KCNT2: variants seen among roughly 807,000 people sequenced by gnomAD.
The protein encoded by KCNT2 is potassium channel subfamily T member 2.
KCNT2 carries 67 observed loss-of-function variants against 153.8 expected under a neutral mutation model. That is an observed-to-expected ratio of 0.44 (90% CI 0.36 to 0.53). The LOEUF is 0.53. KCNT2 is among the 20% of genes least tolerant of loss of function. The pLI is 0.00. For missense variants in KCNT2, 975 were observed against 1,354.8 expected, an observed-to-expected ratio of 0.72 and a Z score of 4.40; for synonymous variants, 500 against 458.8, an observed-to-expected ratio of 1.09 and a Z score of -1.15.
At position 196,463,422 on chromosome 1, in the gene KCNT2, T is replaced by C. The variant is rs545508135; in HGVS notation, c.638+1871A>G. On this transcript the variant is annotated intron_variant, in intron 8 of 27. Coordinates refer to ENST00000294725, the MANE Select transcript of KCNT2 (RefSeq NM_198503.5). ...CAAAGAAATCAAACCTGTTTATCCATTTGAGTTATTATAATTTAAGAATAT... is the reference window on the plus strand; with the variant it reads ...CAAAGAAATCAAACCTGTTTATCCACTTGAGTTATTATAATTTAAGAATAT... 1.3e-3 allele frequency among the ~76,000 whole-genome samples: 201 copies of C among 151,866 alleles called. 1 individual carries two copies. Among genetic ancestry groups the C allele is most frequent in the African/African-American group, 4.1e-3 (169 of 41,510 alleles).
At chr1:196,370,194 G>C (rs1668400933) in intron 14 of KCNT2, among the ~76,000 whole-genome samples, 2 of 152,042 alleles carry the variant, frequency 1.3e-5, no homozygotes, top group Non-Finnish European at 2.9e-5. Flanking sequence ...TTTTTGACAA[G>C]ATTGCCAAAT....
chr1:196,420,606 A>G (rs1195760333), intron 12 of KCNT2, among the ~76,000 whole-genome samples: 3 of 152,136 alleles, frequency 2.0e-5, no homozygotes, highest in African/African-American at 7.2e-5. Context: ...ACACACAGAC[A>G]CACACAGGCA....
chr1:196,480,729 G>A (rs1176701936), intron 4 of KCNT2, among the ~76,000 whole-genome samples: 3 of 151,464 alleles, frequency 2.0e-5, no homozygotes, highest in South Asian at 2.1e-4. Flanking sequence ...GGTGGCGGGC[G>A]CCTGTAGTCC....
chr1:196,459,291 G>A (rs749522563), intron 8 of KCNT2, among the ~76,000 whole-genome samples: 1 of 151,502 alleles, frequency 6.6e-6, no homozygotes, highest in Non-Finnish European at 1.5e-5. Flanking sequence ...GCCCTATCCT[G>A]TGCCCTAATG....
intron 1 of KCNT2, among the ~76,000 whole-genome samples, chr1:196,518,472 T>A: frequency 1.4e-5 from 1 of 73,416 alleles, no homozygotes; most frequent in African/African-American, 4.9e-5. Context: ...AGTGGCAAGC[T>A]GGATTTAAAA....
At chr1:196,436,319 T>C (rs1674650280) in intron 8 of KCNT2, among the ~76,000 whole-genome samples, 1 of 151,584 alleles carries the variant, frequency 6.6e-6, no homozygotes, top group African/African-American at 2.4e-5. Context: ...ATATATAAAC[T>C]ATCTCTTCAA....
At chr1:196,547,443 T>G (rs983824185) in intron 1 of KCNT2, among the ~76,000 whole-genome samples, 13 of 152,160 alleles carry the variant, frequency 8.5e-5, no homozygotes, top group African/African-American at 2.9e-4. Flanking sequence ...AGTTGAAACA[T>G]TTAATTTCAC....
At chr1:196,564,680 C>A (rs1659867303) in intron 1 of KCNT2, among the ~76,000 whole-genome samples, 1 of 151,680 alleles carries the variant, frequency 6.6e-6, no homozygotes, top group Non-Finnish European at 1.5e-5. Flanking sequence ...AATAGACAGC[C>A]TAGAAATAAA....
intron 21 of KCNT2, among the ~76,000 whole-genome samples, chr1:196,307,996 T>C (rs2147989913): frequency 6.6e-6 from 1 of 152,118 alleles, no homozygotes; most frequent in South Asian, 2.1e-4. Context: ...CAGACAAAAT[T>C]CCATCATCTG....
At chr1:196,379,685 A>G (rs905401342) in intron 13 of KCNT2, among the ~76,000 whole-genome samples, 5 of 151,852 alleles carry the variant, frequency 3.3e-5, no homozygotes, top group Non-Finnish European at 7.4e-5. Context: ...TCATCCATTT[A>G]AAGTTTCTGT....
intron 14 of KCNT2, among the ~76,000 whole-genome samples, chr1:196,354,149 C>A (rs1031378261): frequency 3.3e-5 from 5 of 151,490 alleles, no homozygotes; most frequent in Admixed American, 6.6e-5. Context: ...TATAAGAATG[C>A]CATCACACTA....
chr1:196,437,415 G>C (rs1674821243), intron 8 of KCNT2, among the ~76,000 whole-genome samples: 1 of 129,234 alleles, frequency 7.7e-6, no homozygotes, highest in African/African-American at 2.8e-5. Flanking sequence ...ATATATATAA[G>C]TTTTCTTAAA....
intron 20 of KCNT2, chr1:196,317,128 C>T (rs1050775559): frequency 3.0e-5 from 8 of 262,658 alleles, no homozygotes; most frequent in Non-Finnish European, 4.8e-5. Context: ...TATGGGAAGG[C>T]GGGAGGCAGG....
At chr1:196,323,555 CTGAG>C (rs1311604380) in intron 19 of KCNT2, among the ~76,000 whole-genome samples, 2 of 151,842 alleles carry the variant, frequency 1.3e-5, no homozygotes, top group Non-Finnish European at 2.9e-5. Flanking sequence ...TTCAATATGA[CTGAG>C]TTTTATTTAA....
intron 1 of KCNT2, among the ~76,000 whole-genome samples, chr1:196,562,676 T>C (rs1659571093): frequency 6.6e-6 from 1 of 151,604 alleles, no homozygotes; most frequent in African/African-American, 2.4e-5. Context: ...TTTGAATTGA[T>C]TACTACAGTA....
chr1:196,526,015 C>CTGTG (rs369541629), intron 1 of KCNT2, among the ~76,000 whole-genome samples: 26,645 of 139,828 alleles, frequency 0.19, 2,486 homozygotes, highest in Non-Finnish European at 0.21. Flanking sequence ...AGAACTGACT[C>CTGTG]TGTGTGTGTG....
rs1403473658 is a variant in KCNT2 at position 196,400,251 on chromosome 1, G to C, written c.1186-1580C>G. 3.3e-5 allele frequency among the ~76,000 whole-genome samples: 5 copies of C among 151,742 alleles called. No homozygotes were observed. The East Asian group carries it at 9.8e-4, about 30-fold the overall frequency. On this transcript the variant is annotated intron_variant, in intron 12 of 27. Transcript: ENST00000294725. ...GATTACTGTCATTTCTCTTTCACTA[G>C]AAGTACACAATTTTAAAGGAAAGGG...
intron 1 of KCNT2, among the ~76,000 whole-genome samples, chr1:196,526,046 TG>T: frequency 6.6e-6 from 1 of 151,572 alleles, no homozygotes; most frequent in Admixed American, 6.6e-5. Flanking sequence ...TGTGTGTGTG[TG>T]TGTGTGTGTG....
intron 22 of KCNT2, among the ~76,000 whole-genome samples, chr1:196,287,346 A>G (rs1291139865): frequency 1.3e-5 from 2 of 151,998 alleles, no homozygotes; most frequent in African/African-American, 4.8e-5. Context: ...TATCCTGGAG[A>G]AGACCAAGCC....
Sources: gnomAD v4.1 joint callset for allele counts (sites outside exome capture counted in the v4.1 genomes callset) on GRCh38, gnomAD v4.1.1 for gene constraint, MANE v1.5 for transcripts, NCBI Gene and HGNC (gene_info 2026-07-23, HGNC 2026-07-21) for gene names.